The following OR6K3 variants were observed in gnomAD, a reference collection of about 807,000 sequenced individuals.
The protein encoded by OR6K3 is olfactory receptor 6K3.
For synonymous variants in OR6K3, 169 were observed against 137.7 expected, an observed-to-expected ratio of 1.23 and a Z score of -1.59; for missense variants, 396 against 382.5, an observed-to-expected ratio of 1.04 and a Z score of -0.29.
upstream of OR6K3, among the ~76,000 whole-genome samples, chr1:158,721,876 AAT>A (rs1369115633): frequency 2.0e-5 from 3 of 151,932 alleles, no homozygotes; most frequent in Non-Finnish European, 4.4e-5. Context: ...TGTAGTATTT[AAT>A]ATATTCTTCA....
Position 158,716,977 on chromosome 1 carries a change from G to A in OR6K3, c.*191C>T, listed in dbSNP as rs964834833. ...CACTAAAAATACAAAAATTAGCTGG[G>A]TGTGGTGGTGCATGCCTGTAATCGC... On this transcript the variant is annotated 3_prime_UTR_variant, in exon 2 of 2. Coordinates refer to ENST00000368145, the MANE Select transcript of OR6K3 (RefSeq NM_001005327.3). 7.7e-6 allele frequency: 4 copies of A among 516,382 alleles called. No individual in the cohort carries two copies. The highest frequency in any genetic ancestry group is 1.4e-5 in the Non-Finnish European group (4 of 286,042). 32.0% of individuals were successfully genotyped at this position (516,382 alleles called of 1,614,324 possible).
chr1:158,717,082 C>A lies in OR6K3; in HGVS notation c.*86G>T. 1.1e-6 allele frequency: 1 copy of A among 917,770 alleles called. No homozygotes were observed. The highest frequency in any genetic ancestry group is 1.7e-5 in the African/African-American group (1 of 60,046). 56.9% of individuals were successfully genotyped at this position (917,770 alleles called of 1,614,324 possible). A position where few individuals can be genotyped will look rare whatever the true frequency, so the allele number is the denominator to read the frequency against. On this transcript the variant is annotated 3_prime_UTR_variant, in exon 2 of 2. Coordinates refer to ENST00000368145, the MANE Select transcript of OR6K3 (RefSeq NM_001005327.3). ...GCAGTGAGCCAAGATCATGCCATTG[C>A]ACTCCAGCCCAGGCAACAAGAGTGA...
rs114022012 is a variant in OR6K3 at position 158,717,190 on chromosome 1, A to G, written c.926T>C (p.Val309Ala). 8.4e-4 allele frequency: 1,355 copies of G among 1,611,890 alleles called. 15 individuals are homozygous for G. In the African/African-American group the frequency reaches 0.017, roughly 20 times the overall value. ...GTATTAACCTCCAGGCTTGTTCAACACTTTTTGAAGACAGAACAGTTTTTT... is the reference window on the plus strand; with the variant it reads ...GTATTAACCTCCAGGCTTGTTCAACGCTTTTTGAAGACAGAACAGTTTTTT... ...AIKKLFCLQKVLNKPGG is the reference protein window; with the variant it reads ...AIKKLFCLQKALNKPGG Residue 309 changes from valine to alanine, a missense_variant, in exon 2 of 2, where the codon GTG becomes GCG. Transcript: ENST00000368145.
At chr1:158,718,685 C>T (rs991701090) in intron 1 of OR6K3, among the ~76,000 whole-genome samples, 2 of 152,050 alleles carry the variant, frequency 1.3e-5, no homozygotes, top group African/African-American at 2.4e-5. Flanking sequence ...GGCCATTGTG[C>T]ACATGCTCTT....
At chr1:158,721,519 G>A (rs1309591954), upstream of OR6K3, among the ~76,000 whole-genome samples, 2 of 151,518 alleles carry the variant, frequency 1.3e-5, no homozygotes, top group Non-Finnish European at 1.5e-5. Flanking sequence ...TACGATTTGG[G>A]AGCCTATTTT....
chr1:158,719,186 T>G (rs2101986112), intron 1 of OR6K3, among the ~76,000 whole-genome samples: 1 of 100,490 alleles, frequency 1.0e-5, no homozygotes, highest in South Asian at 2.7e-4. Flanking sequence ...CTTTTGCTTC[T>G]GTTTTATTTA....
rs747598192 is a variant in OR6K3 at position 158,717,283 on chromosome 1, G to C, written c.833C>G (p.Thr278Ser). Residue 278 changes from threonine (T) to serine (S), a missense_variant, in exon 2 of 2, where the codon ACT becomes AGT. By Grantham distance (58) the Thr-to-Ser change is moderately conservative (BLOSUM62 1). Transcript: ENST00000368145. ...GGGATTGAAGAATGGAGCAAGTACA[G>C]TAAACATCAGTGCAATGGCTGTGTC... ...VLDTAIALMF[T>S]VLAPFFNPII... The C allele has an allele frequency of 6.2e-7, 1 of 1,613,566 alleles. No homozygotes were observed. Among genetic ancestry groups the C allele is most frequent in the Non-Finnish European group, 8.5e-7 (1 of 1,179,710 alleles).
upstream of OR6K3, among the ~76,000 whole-genome samples, chr1:158,722,298 G>A (rs16840690): frequency 0.01 from 1,592 of 152,066 alleles, 19 homozygotes; most frequent in African/African-American, 0.032. Context: ...TATCTGCCAC[G>A]AAGTTCAGTA....
chr1:158,718,497 T>C (rs1399176711), intron 1 of OR6K3, among the ~76,000 whole-genome samples: 1 of 151,466 alleles, frequency 6.6e-6, no homozygotes, highest in Non-Finnish European at 1.5e-5. Context: ...ATTATTTTTA[T>C]TTTAGCTTAA....
chr1:158,722,775 T>G (rs1656310937), upstream of OR6K3, among the ~76,000 whole-genome samples: 1 of 152,044 alleles, frequency 6.6e-6, no homozygotes, highest in African/African-American at 2.4e-5. Flanking sequence ...AATTTTGATT[T>G]TTGTTTTTTG....
chr1:158,722,287 A>T (rs1656296960), upstream of OR6K3, among the ~76,000 whole-genome samples: 1 of 152,044 alleles, frequency 6.6e-6, no homozygotes, highest in South Asian at 2.1e-4. Flanking sequence ...AAATATGGAA[A>T]TATCTGCCAC....
At chr1:158,721,617 C>A (rs1314534092), upstream of OR6K3, among the ~76,000 whole-genome samples, 1 of 151,658 alleles carries the variant, frequency 6.6e-6, no homozygotes, top group African/African-American at 2.4e-5. Flanking sequence ...ATAAAACAGT[C>A]TGTTTTGATC....
Position 158,717,044 on chromosome 1 carries a change from G to A in OR6K3, c.*124C>T, listed in dbSNP as rs1461701537. 3 of 703,150 alleles carry A rather than the reference G, an allele frequency of 4.3e-6. No homozygotes were observed. Among genetic ancestry groups the A allele is most frequent in the Non-Finnish European group, 7.5e-6 (3 of 397,986 alleles). The allele number at this position is 703,150 out of a possible 1,614,324, so 43.6% of individuals were successfully genotyped here. A position where few individuals can be genotyped will look rare whatever the true frequency, so the allele number is the denominator to read the frequency against. On this transcript the variant is annotated 3_prime_UTR_variant, in exon 2 of 2. Transcript: ENST00000368145. ...GAGGCAGGAGAATTGTTCAAAACCA[G>A]GAGGTGGAGGTTGCAGTGAGCCAAG...
At position 158,717,783 on chromosome 1, in the gene OR6K3, C is replaced by T. The variant is rs1243173761; in HGVS notation, c.333G>A (p.Glu111=). The change falls in exon 2 of 2, where the codon GAG becomes GAA. Residue 111 remains glutamate (E), a synonymous_variant. Coordinates refer to ENST00000368145, the MANE Select transcript of OR6K3 (RefSeq NM_001005327.3). The stretch of plus-strand genomic sequence containing the variant: ...TGGCCATGGTGGTCAGCAAGATCCC[C>T]TCTGAGTTTTCAAGTGAGTGGAAGA... ...MYFFHSLENS[E]GILLTTMAID... is the part of the protein sequence containing the mutation. The T allele has an allele frequency of 3.3e-5, 53 of 1,613,714 alleles. No homozygotes were observed. Among genetic ancestry groups the T allele is most frequent in the Non-Finnish European group, 4.5e-5 (53 of 1,179,856 alleles).
At chr1:158,718,175 G>A (rs780881702) in intron 1 of OR6K3, 43 bp from the exon 2 acceptor site, 3 of 1,005,924 alleles carry the variant, frequency 3.0e-6, no homozygotes, top group Admixed American at 4.6e-5. Context: ...AGAGGGTAGA[G>A]AAAAAAATAA....
At position 158,717,319 on chromosome 1, in the gene OR6K3, G is replaced by A. The variant is rs766366314; in HGVS notation, c.797C>T (p.Pro266Leu). ...LMYLRFSDTY[P>L]PVLDTAIALM... Reference sequence around the variant, plus strand: ...TGCAATGGCTGTGTCCAAAACTGGTGGATAAGTGTCGCTGAAACGCAAGTA... The same window carrying A: ...TGCAATGGCTGTGTCCAAAACTGGTAGATAAGTGTCGCTGAAACGCAAGTA... The change falls in exon 2 of 2, where the codon CCA becomes CTA. Residue 266 changes from proline (P) to leucine (L), a missense_variant. By Grantham distance (98) the Pro-to-Leu change is moderately conservative. Coordinates refer to ENST00000368145, the MANE Select transcript of OR6K3 (RefSeq NM_001005327.3). The A allele has an allele frequency of 6.2e-6, 10 of 1,613,608 alleles. No homozygotes were observed. The highest frequency in any genetic ancestry group is 5.5e-5 in the South Asian group (5 of 91,080).
At chr1:158,720,266 C>T (rs775469514) in intron 1 of OR6K3, among the ~76,000 whole-genome samples, 2 of 151,922 alleles carry the variant, frequency 1.3e-5, no homozygotes, top group Non-Finnish European at 2.9e-5. Context: ...ATAGTGACTA[C>T]AACAGGGTTA....
At chr1:158,723,407 C>A (rs927385439), upstream of OR6K3, among the ~76,000 whole-genome samples, 3 of 151,940 alleles carry the variant, frequency 2.0e-5, no homozygotes, top group African/African-American at 7.2e-5. Flanking sequence ...AAATAATAAT[C>A]ATAGCTAAGT....
intron 1 of OR6K3, among the ~76,000 whole-genome samples, chr1:158,719,239 T>C (rs769076263): frequency 2.2e-4 from 34 of 152,012 alleles, no homozygotes; most frequent in Non-Finnish European, 4.6e-4. Flanking sequence ...TTCTCTCTTA[T>C]ATTAGCTTGT....
Sources: gnomAD v4.1 joint callset for allele counts (sites outside exome capture counted in the v4.1 genomes callset) on GRCh38, gnomAD v4.1.1 for gene constraint, MANE v1.5 for transcripts, NCBI Gene and HGNC (gene_info 2026-07-23, HGNC 2026-07-21) for gene names.